Variants in NOVA1 observed in about 807,000 individuals in gnomAD.
NOVA1 encodes NOVA alternative splicing regulator 1.
A neutral mutation model predicts 38.0 loss-of-function variants in NOVA1; 7 were observed. The ratio of observed to expected loss-of-function variants is 0.18; its 90% CI spans 0.10 to 0.35. The LOEUF is 0.35. NOVA1 is among the 10% of genes least tolerant of loss of function. The pLI, the probability that NOVA1 is intolerant of heterozygous loss-of-function variation, is 1.00. For synonymous variants in NOVA1, 270 were observed against 232.5 expected (o/e 1.16, Z -1.47); for missense variants, 460 against 616.0 (o/e 0.75, Z 2.68).
intron 4 of NOVA1, among the ~76,000 whole-genome samples, chr14:26,467,316 T>C (rs557337059): frequency 3.3e-4 from 50 of 152,288 alleles, no homozygotes; most frequent in Non-Finnish European, 6.0e-4. Flanking sequence ...TAAAGTAATA[T>C]GTAGACTAAG....
intron 4 of NOVA1, among the ~76,000 whole-genome samples, chr14:26,459,950 G>A (rs1404657464): frequency 6.6e-6 from 1 of 151,708 alleles, no homozygotes; most frequent in Non-Finnish European, 1.5e-5. Flanking sequence ...AGTCTGATGT[G>A]CCATATTTTT....
intron 2 of NOVA1, among the ~76,000 whole-genome samples, chr14:26,580,518 A>T (rs1335273410): frequency 6.6e-6 from 1 of 152,206 alleles, no homozygotes; most frequent in African/African-American, 2.4e-5. Flanking sequence ...GGTATTATAG[A>T]ACACTTATTT....
intron 4 of NOVA1, among the ~76,000 whole-genome samples, chr14:26,454,074 A>G (rs1224940689): frequency 6.6e-6 from 1 of 152,068 alleles, no homozygotes; most frequent in Non-Finnish European, 1.5e-5. Context: ...GGGGTGTCCA[A>G]TTTTTTGGCT....
At chr14:26,559,093 T>C (rs566015498) in intron 2 of NOVA1, among the ~76,000 whole-genome samples, 33 of 152,196 alleles carry the variant, frequency 2.2e-4, no homozygotes, top group Admixed American at 3.9e-4. Context: ...AAAAAAAAAG[T>C]TGCGATTATT....
intron 2 of NOVA1, among the ~76,000 whole-genome samples, chr14:26,546,968 G>A (rs1334709020): frequency 3.3e-5 from 5 of 152,216 alleles, no homozygotes; most frequent in Admixed American, 6.5e-5. Context: ...GCAGTGAGCC[G>A]AGATCGTGCC....
intron 2 of NOVA1, among the ~76,000 whole-genome samples, chr14:26,534,871 A>C (rs1484964457): frequency 6.6e-6 from 1 of 152,158 alleles, no homozygotes; most frequent in Non-Finnish European, 1.5e-5. Flanking sequence ...GTGATTCTTA[A>C]AAGGGGCTGA....
intron 4 of NOVA1, among the ~76,000 whole-genome samples, chr14:26,462,305 A>C (rs1883746415): frequency 1.3e-5 from 2 of 152,208 alleles, no homozygotes; most frequent in African/African-American, 4.8e-5. Context: ...GTATTTTTCA[A>C]ATCACAAAGT....
intron 2 of NOVA1, among the ~76,000 whole-genome samples, chr14:26,512,138 G>A (rs1161469955): frequency 1.3e-5 from 2 of 152,116 alleles, no homozygotes; most frequent in African/African-American, 4.8e-5. Context: ...TTGAATAAGA[G>A]TATATATTTT....
chr14:26,581,574 T>C (rs1893226173), intron 2 of NOVA1, among the ~76,000 whole-genome samples: 1 of 151,936 alleles, frequency 6.6e-6, no homozygotes, highest in Admixed American at 6.6e-5. Flanking sequence ...TATACACAAG[T>C]CTGGTCAGCT....
intron 2 of NOVA1, among the ~76,000 whole-genome samples, chr14:26,582,481 G>T (rs1265404965): frequency 1.3e-5 from 2 of 151,750 alleles, no homozygotes; most frequent in African/African-American, 4.8e-5. Context: ...TGGCTTCACT[G>T]CCAAGACTCC....
At chr14:26,449,106 CTT>C (rs1297015832) in intron 4 of NOVA1, 143 bp from the exon 5 acceptor site, 2 of 750,230 alleles carry the variant, frequency 2.7e-6, no homozygotes, top group Admixed American at 3.3e-5. Context: ...TTTAAAGTGA[CTT>C]TTATCACACT....
rs1881832894 is a variant in NOVA1, at chr14:26,443,363, T to C, written c.*4596A>G. ...AAAATAATCTAATCAAAATATTGAA[T>C]ACTTTAGAATTAAACAATATTTTAT... On this transcript the variant is annotated 3_prime_UTR_variant, in exon 5 of 5. Coordinates refer to ENST00000539517, the MANE Select transcript of NOVA1 (RefSeq NM_002515.3). The C allele has an allele frequency of 6.6e-6, 1 of 152,004 alleles. No individual in the cohort carries two copies. Among genetic ancestry groups the C allele is most frequent in the African/African-American group, 2.4e-5 (1 of 41,442 alleles). The allele number at this position is 152,004 out of a possible 1,614,324, so 9.4% of individuals were successfully genotyped here.
intron 2 of NOVA1, among the ~76,000 whole-genome samples, chr14:26,538,684 C>G (rs187243519): frequency 6.6e-6 from 1 of 151,922 alleles, no homozygotes; most frequent in East Asian, 1.9e-4. Flanking sequence ...TCTTGCCCCC[C>G]ACTCCTTTCC....
At chr14:26,518,212 T>C (rs1055816078) in intron 2 of NOVA1, among the ~76,000 whole-genome samples, 6 of 152,094 alleles carry the variant, frequency 3.9e-5, no homozygotes, top group Non-Finnish European at 8.8e-5. Context: ...TTGCTTACTC[T>C]ACTTCTGAAA....
chr14:26,457,374 G>C (rs2138592247), intron 4 of NOVA1, among the ~76,000 whole-genome samples: 1 of 152,166 alleles, frequency 6.6e-6, no homozygotes, highest in East Asian at 1.9e-4. Context: ...ATATTTAAAT[G>C]TATACACAGT....
At chr14:26,544,510 C>T (rs928561916) in intron 2 of NOVA1, among the ~76,000 whole-genome samples, 1 of 151,874 alleles carries the variant, frequency 6.6e-6, no homozygotes, top group Non-Finnish European at 1.5e-5. Context: ...AGCCTACTAG[C>T]TGACCAACCT....
chr14:26,595,609 C>CCT, intron 1 of NOVA1, 56 bp from the exon 2 acceptor site: 1 of 1,500,296 alleles, frequency 6.7e-7, no homozygotes, highest in South Asian at 1.2e-5. Context: ...CTTTGTATCC[C>CCT]CTCTCCACCC....
At chr14:26,542,858 A>G (rs1327687108) in intron 2 of NOVA1, among the ~76,000 whole-genome samples, 1 of 151,862 alleles carries the variant, frequency 6.6e-6, no homozygotes, top group Non-Finnish European at 1.5e-5. Context: ...TATTTATCAT[A>G]GTTAGCTACA....
At chr14:26,552,684 G>T (rs1358443568) in intron 2 of NOVA1, among the ~76,000 whole-genome samples, 1 of 152,146 alleles carries the variant, frequency 6.6e-6, no homozygotes, top group Non-Finnish European at 1.5e-5. Flanking sequence ...TGAGAATCAT[G>T]TTAATGTAAG....
Sources: gnomAD v4.1 joint callset for allele counts (sites outside exome capture counted in the v4.1 genomes callset) on GRCh38, gnomAD v4.1.1 for gene constraint, MANE v1.5 for transcripts, NCBI Gene and HGNC (gene_info 2026-07-23, HGNC 2026-07-21) for gene names.